KIAA0825: variants seen among roughly 807,000 people sequenced by gnomAD.
KIAA0825 encodes KIAA0825.
In KIAA0825, 119 loss-of-function variants were observed where a neutral mutation model predicts 147.6. The observed-to-expected ratio is 0.81, with a 90% CI of 0.69 to 0.94. KIAA0825 has a LOEUF of 0.94. Among genes scored for constraint, KIAA0825 ranks in the 40% least tolerant of loss-of-function variants. The probability of loss-of-function intolerance (pLI) is 0.00; values close to 1 mark genes in which losing one functional copy is unlikely to be tolerated. For synonymous variants in KIAA0825, 470 were observed against 518.1 expected (o/e 0.91, Z 1.26); for missense variants, 1,381 against 1,472.7 (o/e 0.94, Z 1.02).
chr5:94,475,045 C>T (rs1761703234), intron 7 of KIAA0825, among the ~76,000 whole-genome samples: 3 of 151,106 alleles, frequency 2.0e-5, no homozygotes, highest in South Asian at 2.1e-4. Context: ...GCCGAGATGG[C>T]ACCACTGCAC....
At chr5:94,170,173 C>T (rs1400297764) in intron 20 of KIAA0825, among the ~76,000 whole-genome samples, 1 of 152,124 alleles carries the variant, frequency 6.6e-6, no homozygotes, top group Admixed American at 6.5e-5. Context: ...GTGGCGGGTG[C>T]CTGTAGTCCC....
chr5:94,521,346 A>G (rs1277659719), intron 4 of KIAA0825, among the ~76,000 whole-genome samples: 2 of 151,796 alleles, frequency 1.3e-5, no homozygotes, highest in African/African-American at 2.4e-5. Context: ...GAATGAGTAC[A>G]CTTATTATTA....
chr5:94,214,094 G>T (rs1772990739), intron 20 of KIAA0825, among the ~76,000 whole-genome samples: 1 of 152,080 alleles, frequency 6.6e-6, no homozygotes, highest in Non-Finnish European at 1.5e-5. Flanking sequence ...GGCGTCAAGG[G>T]ATCCACCTGC....
chr5:94,456,359 T>A (rs1483489156), intron 12 of KIAA0825, among the ~76,000 whole-genome samples: 5 of 152,198 alleles, frequency 3.3e-5, no homozygotes, highest in Non-Finnish European at 7.3e-5. Flanking sequence ...CTCTGCTAAG[T>A]CTTCTCTGAC....
intron 10 of KIAA0825, among the ~76,000 whole-genome samples, chr5:94,469,466 CCGGCCTCAAATGGGTCTTAAAG>C (rs772356135): frequency 2.0e-5 from 3 of 152,094 alleles, no homozygotes; most frequent in Non-Finnish European, 4.4e-5. Context: ...GCCACCGCAC[CCGGCCTCAAATGGGTCTTAAAG>C]CATACTCATA....
intron 2 of KIAA0825, among the ~76,000 whole-genome samples, chr5:94,551,720 A>T (rs2152258040): frequency 6.6e-6 from 1 of 152,218 alleles, no homozygotes; most frequent in Non-Finnish European, 1.5e-5. Flanking sequence ...GGAGTCCTAC[A>T]TCTGAATGTG....
At chr5:94,229,444 T>G (rs2150081678) in intron 20 of KIAA0825, among the ~76,000 whole-genome samples, 1 of 152,162 alleles carries the variant, frequency 6.6e-6, no homozygotes, top group East Asian at 1.9e-4. Context: ...GGGTCTCTTT[T>G]CATGTATTGT....
intron 20 of KIAA0825, among the ~76,000 whole-genome samples, chr5:94,215,760 G>A (rs1199517506): frequency 1.3e-5 from 2 of 151,742 alleles, no homozygotes; most frequent in East Asian, 3.9e-4. Flanking sequence ...TTCTCTCCTG[G>A]TTGCCCTCCT....
chr5:94,173,411 T>C (rs764632127), intron 20 of KIAA0825, among the ~76,000 whole-genome samples: 9 of 152,222 alleles, frequency 5.9e-5, no homozygotes, highest in Non-Finnish European at 1.0e-4. Flanking sequence ...TATTCACATA[T>C]CTAGTGGGTG....
At chr5:94,433,172 C>T (rs983982804) in intron 14 of KIAA0825, among the ~76,000 whole-genome samples, 6 of 152,134 alleles carry the variant, frequency 3.9e-5, no homozygotes, top group African/African-American at 9.7e-5. Flanking sequence ...GGACTACAGG[C>T]GCCTGCCACC....
chr5:94,396,404 T>C lies in KIAA0825; in HGVS notation c.2993A>G (p.Glu998Gly), dbSNP rs1750657765. Residue 998 changes from glutamate (E) to glycine (G), a missense_variant, in exon 17 of 21, where the codon GAG becomes GGG. By Grantham distance (98) the Glu-to-Gly change is moderately conservative. Transcript: ENST00000682413. ...PPVKYFFFLS[E>G]RKMSKKFVEL... ...AACAAATTTTTTTGACATTTTTCTCTCAGACAGAAAAAAGAAGTATTTAAC... is the reference window on the plus strand; with the variant it reads ...AACAAATTTTTTTGACATTTTTCTCCCAGACAGAAAAAAGAAGTATTTAAC... 1.7e-5 allele frequency: 27 copies of C among 1,550,216 alleles called. No individual in the cohort carries two copies. The highest frequency in any genetic ancestry group is 2.4e-5 in the Non-Finnish European group (27 of 1,146,594).
At chr5:94,603,228 T>C (rs1225166519) in intron 1 of KIAA0825, among the ~76,000 whole-genome samples, 2 of 152,164 alleles carry the variant, frequency 1.3e-5, no homozygotes, top group Non-Finnish European at 2.9e-5. Flanking sequence ...GTGAACCTCT[T>C]AGAAGAAACC....
intron 4 of KIAA0825, among the ~76,000 whole-genome samples, chr5:94,522,622 A>G (rs2151226660): frequency 6.6e-6 from 1 of 151,814 alleles, no homozygotes; most frequent in African/African-American, 2.4e-5. Flanking sequence ...AAACAGATGT[A>G]TGAAAAATGC....
chr5:94,390,443 A>G (rs1749748449), intron 18 of KIAA0825, among the ~76,000 whole-genome samples: 1 of 152,212 alleles, frequency 6.6e-6, no homozygotes, highest in African/African-American at 2.4e-5. Context: ...AGTTTCCCAG[A>G]TAGAAACCCT....
chr5:94,487,831 G>A (rs1338751963), intron 5 of KIAA0825, among the ~76,000 whole-genome samples: 2 of 152,184 alleles, frequency 1.3e-5, no homozygotes, highest in Non-Finnish European at 2.9e-5. Context: ...GCGTGAGCCT[G>A]TAGTTCCAGC....
intron 2 of KIAA0825, among the ~76,000 whole-genome samples, chr5:94,580,313 T>C (rs1781850509): frequency 6.6e-6 from 1 of 152,208 alleles, no homozygotes; most frequent in African/African-American, 2.4e-5. Context: ...ATAAATAATT[T>C]GCCTATCCTT....
At chr5:94,531,218 C>A (rs1027710830) in intron 3 of KIAA0825, among the ~76,000 whole-genome samples, 1 of 152,148 alleles carries the variant, frequency 6.6e-6, no homozygotes, top group Non-Finnish European at 1.5e-5. Context: ...CCACATTTTA[C>A]CCTATTCATC....
intron 13 of KIAA0825, among the ~76,000 whole-genome samples, chr5:94,451,055 A>G (rs12153169): frequency 0.46 from 70,493 of 151,982 alleles, 16,492 homozygotes; most frequent in African/African-American, 0.49. Flanking sequence ...CAGAACTAGT[A>G]TGAGGTTTTA....
chr5:94,238,688 G>A (rs934452641), intron 20 of KIAA0825, among the ~76,000 whole-genome samples: 9 of 151,950 alleles, frequency 5.9e-5, no homozygotes, highest in African/African-American at 1.9e-4. Flanking sequence ...CACCACGAGC[G>A]AAGCCAAAAA....
Sources: allele counts gnomAD v4.1 joint callset (sites outside exome capture counted in the v4.1 genomes callset), GRCh38; gene constraint gnomAD v4.1.1; transcripts MANE v1.5; gene names NCBI Gene and HGNC (gene_info 2026-07-23, HGNC 2026-07-21).